Variants in NEXMIF observed in about 807,000 individuals in gnomAD.
NEXMIF encodes neurite extension and migration factor, also known as XLMR protein related to neurite extension.
Under a neutral mutation model 62.1 loss-of-function variants are expected in NEXMIF, and 8 were observed. The observed-to-expected ratio is 0.13, with a 90% confidence interval of 0.08 to 0.23. The LOEUF is 0.23. Among genes scored for constraint, NEXMIF ranks in the 10% least tolerant of loss-of-function variants. The probability of loss-of-function intolerance (pLI) is 1.00; values close to 1 mark genes in which losing one functional copy is unlikely to be tolerated. For synonymous variants in NEXMIF, 404 were observed against 416.6 expected, an observed-to-expected ratio of 0.97 and a Z score of 0.37; for missense variants, 976 against 1,113.3, an observed-to-expected ratio of 0.88 and a Z score of 1.75.
At position 74,887,691 on chromosome X, in the gene NEXMIF, T is replaced by C. The variant is rs760647755; in HGVS notation, c.-48+37192A>G. On this transcript the variant is annotated intron_variant, in intron 1 of 3. Transcript: ENST00000055682. Reference sequence around the variant, plus strand: ...TGGAGAAATAGGAACACTTTTACACTGTTGGTGGGACTGTAAACTAGTTCA... The same window carrying C: ...TGGAGAAATAGGAACACTTTTACACCGTTGGTGGGACTGTAAACTAGTTCA... Among the ~76,000 whole-genome samples the C allele has an allele frequency of 3.6e-5, 4 of 111,375 alleles. No individual in the cohort carries two copies. In the East Asian group the frequency reaches 1.1e-3, roughly 32 times the overall value.
chrX:74,768,168 C>T (rs2080200187), intron 1 of NEXMIF, among the ~76,000 whole-genome samples: 1 of 111,351 alleles, frequency 9.0e-6, no homozygotes, highest in South Asian at 3.8e-4. Context: ...TGCAAAGATC[C>T]ATGAAAAAAA....
intron 1 of NEXMIF, among the ~76,000 whole-genome samples, chrX:74,753,613 A>T (rs2080150408): frequency 9.0e-6 from 1 of 111,121 alleles, no homozygotes; most frequent in African/African-American, 3.3e-5. Context: ...AATCCATCTG[A>T]GAAGTAGGCA....
intron 1 of NEXMIF, among the ~76,000 whole-genome samples, chrX:74,797,542 G>A (rs1000278525): frequency 8.9e-6 from 1 of 112,236 alleles, no homozygotes; most frequent in African/African-American, 3.2e-5. Flanking sequence ...TTAAACAGAT[G>A]TCTGTCAGAT....
chrX:74,846,072 C>T (rs1381866818), intron 1 of NEXMIF, among the ~76,000 whole-genome samples: 1 of 112,539 alleles, frequency 8.9e-6, no homozygotes, highest in African/African-American at 3.2e-5. Flanking sequence ...ATCTTCTTTC[C>T]CAATGCTAAA....
At chrX:74,755,502 C>T (rs2080156703) in intron 1 of NEXMIF, among the ~76,000 whole-genome samples, 1 of 110,903 alleles carries the variant, frequency 9.0e-6, no homozygotes, top group African/African-American at 3.3e-5. Flanking sequence ...GATATTGGTT[C>T]AACGTGAATT....
chrX:74,910,503 T>C lies in NEXMIF; in HGVS notation c.-48+14380A>G, dbSNP rs766001879. Among the ~76,000 whole-genome samples, 5 of 112,073 alleles carry C rather than the reference T, an allele frequency of 4.5e-5. No homozygotes were observed. In the South Asian group the frequency reaches 1.5e-3, roughly 34 times the overall value. ...GCTTTTGACTTTACAGGCTCATAGA[T>C]GGAAGGGACTTGCCTTGTCTTAGAT... On this transcript the variant is annotated intron_variant, in intron 1 of 3. Transcript: ENST00000055682.
intron 1 of NEXMIF, among the ~76,000 whole-genome samples, chrX:74,851,450 CAA>C (rs755949647): frequency 3.9e-4 from 43 of 111,008 alleles, no homozygotes; most frequent in Middle Eastern, 9.3e-3. Flanking sequence ...AAGTCAAAGA[CAA>C]AGAGATAATT....
chrX:74,861,327 G>A (rs201591162), intron 1 of NEXMIF, among the ~76,000 whole-genome samples: 1 of 111,689 alleles, frequency 9.0e-6, no homozygotes, highest in Non-Finnish European at 1.9e-5. Context: ...CAAAACCTCT[G>A]AGAACTATGG....
At chrX:74,777,121 T>C (rs2080231057) in intron 1 of NEXMIF, among the ~76,000 whole-genome samples, 1 of 111,851 alleles carries the variant, frequency 8.9e-6, no homozygotes, top group Admixed American at 9.5e-5. Flanking sequence ...TTTATGTTGA[T>C]ATACATTTAA....
At chrX:74,787,526 T>C (rs1162515063) in intron 1 of NEXMIF, among the ~76,000 whole-genome samples, 1 of 111,747 alleles carries the variant, frequency 8.9e-6, no homozygotes, top group African/African-American at 3.3e-5. Flanking sequence ...TCCCTGACTC[T>C]ATTACAAACC....
chrX:74,894,845 T>C (rs1226108296), intron 1 of NEXMIF, among the ~76,000 whole-genome samples: 2 of 112,377 alleles, frequency 1.8e-5, no homozygotes, highest in Non-Finnish European at 3.8e-5. Flanking sequence ...AAAAGCCATC[T>C]ATGACAGACA....
At chrX:74,833,037 TG>T (rs2080443536) in intron 1 of NEXMIF, among the ~76,000 whole-genome samples, 1 of 105,751 alleles carries the variant, frequency 9.5e-6, no homozygotes, top group Non-Finnish European at 2.0e-5. Flanking sequence ...ACCTAACATA[TG>T]GTCTATCCCT....
intron 1 of NEXMIF, among the ~76,000 whole-genome samples, chrX:74,788,851 A>G (rs1160704442): frequency 9.0e-6 from 1 of 111,271 alleles, no homozygotes; most frequent in African/African-American, 3.3e-5. Context: ...ACAATCTCCC[A>G]GACTTCCAGC....
intron 1 of NEXMIF, among the ~76,000 whole-genome samples, chrX:74,764,417 G>A (rs1443630468): frequency 1.8e-5 from 2 of 111,633 alleles, no homozygotes; most frequent in African/African-American, 6.5e-5. Context: ...AGGGATATTG[G>A]TCTAAAATAC....
At chrX:74,885,764 T>C (rs1198339453) in intron 1 of NEXMIF, among the ~76,000 whole-genome samples, 5 of 111,323 alleles carry the variant, frequency 4.5e-5, no homozygotes, top group South Asian at 3.7e-4. Flanking sequence ...TTCCAATCAA[T>C]AGAAAAAGAG....
At chrX:74,823,737 T>C (rs1321724534) in intron 1 of NEXMIF, among the ~76,000 whole-genome samples, 3 of 105,401 alleles carry the variant, frequency 2.8e-5, no homozygotes, top group African/African-American at 1.1e-4. Flanking sequence ...GATAGATAGA[T>C]AGGGCAAAAT....
Position 74,733,687 on chromosome X carries a change from AC to A in NEXMIF, c.*5717del, listed in dbSNP as rs925887797. On this transcript the variant is annotated 3_prime_UTR_variant, in exon 4 of 4. Coordinates refer to ENST00000055682, the MANE Select transcript of NEXMIF (RefSeq NM_001008537.3). ...AATATTTGAAACCTTCGCAACAAGA[AC>A]AACAAAACCAGAAGTGTTACAAGAA... 1 of 112,774 alleles carries A rather than the reference AC, an allele frequency of 8.9e-6. No individual in the cohort carries two copies. Among genetic ancestry groups the A allele is most frequent in the Non-Finnish European group, 1.9e-5 (1 of 53,308 alleles). 9.3% of individuals were successfully genotyped at this position (112,774 alleles called of 1,213,427 possible).
intron 1 of NEXMIF, among the ~76,000 whole-genome samples, chrX:74,771,540 ATAG>A (rs1298712304): frequency 2.7e-5 from 3 of 110,887 alleles, no homozygotes; most frequent in African/African-American, 9.8e-5. Context: ...TATAATAATA[ATAG>A]TGAAAATGAT....
intron 1 of NEXMIF, among the ~76,000 whole-genome samples, chrX:74,794,720 G>A (rs2147467004): frequency 8.9e-6 from 1 of 111,745 alleles, no homozygotes; most frequent in East Asian, 2.8e-4. Context: ...CCATATTCGG[G>A]TGGGAGTGGC....
Sources: allele counts gnomAD v4.1 joint callset (sites outside exome capture counted in the v4.1 genomes callset), GRCh38; gene constraint gnomAD v4.1.1; transcripts MANE v1.5; gene names NCBI Gene and HGNC (gene_info 2026-07-23, HGNC 2026-07-21).